The following ABLIM3 variants were observed in gnomAD, a reference collection of about 807,000 sequenced individuals.
ABLIM3 encodes actin binding LIM protein family member 3.
ABLIM3 carries 61 observed loss-of-function variants against 109.5 expected under a neutral mutation model. The observed-to-expected ratio is 0.56, with a 90% CI of 0.45 to 0.69. ABLIM3 has a LOEUF of 0.69. Among genes scored for constraint, ABLIM3 ranks in the 30% least tolerant of loss-of-function variants. The pLI, the probability that ABLIM3 is intolerant of heterozygous loss-of-function variation, is 0.00. For missense variants in ABLIM3, 796 were observed against 889.5 expected (o/e 0.89, Z 1.34); for synonymous variants, 300 against 324.8 (o/e 0.92, Z 0.82).
intron 3 of ABLIM3, among the ~76,000 whole-genome samples, chr5:149,193,414 A>T (rs1757679531): frequency 6.6e-6 from 1 of 152,042 alleles, no homozygotes; most frequent in Non-Finnish European, 1.5e-5. Flanking sequence ...GTTGTATAAG[A>T]TAAAAATTAT....
intron 2 of ABLIM3, among the ~76,000 whole-genome samples, chr5:149,152,942 C>T (rs947792286): frequency 6.6e-6 from 1 of 152,004 alleles, no homozygotes; most frequent in Non-Finnish European, 1.5e-5. Flanking sequence ...CTTCCTTATT[C>T]CTCAGGAAGA....
At chr5:149,233,379 G>A in intron 10 of ABLIM3, 79 bp downstream of exon 10, 1 of 1,443,016 alleles carries the variant, frequency 6.9e-7, no homozygotes. Context: ...GGATAAGGGA[G>A]CTCTCAAGTT....
At chr5:149,227,586 A>G (rs1761438889) in intron 8 of ABLIM3, among the ~76,000 whole-genome samples, 1 of 152,206 alleles carries the variant, frequency 6.6e-6, no homozygotes, top group South Asian at 2.1e-4. Context: ...GGAGCTTGTT[A>G]AATCACAGAT....
At chr5:149,185,848 C>T (rs1270668564) in intron 3 of ABLIM3, among the ~76,000 whole-genome samples, 4 of 152,264 alleles carry the variant, frequency 2.6e-5, no homozygotes, top group Non-Finnish European at 1.5e-5. Context: ...AGGCTAAAAA[C>T]GGAAACAGAA....
intron 7 of ABLIM3, 117 bp downstream of exon 7, chr5:149,210,936 C>G: frequency 1.1e-6 from 1 of 921,022 alleles, no homozygotes; most frequent in South Asian, 1.4e-5. Flanking sequence ...TTTACCTCCT[C>G]CACCTTTGCT....
intron 3 of ABLIM3, among the ~76,000 whole-genome samples, chr5:149,193,102 A>G (rs866570749): frequency 2.4e-4 from 37 of 152,302 alleles, no homozygotes; most frequent in African/African-American, 8.7e-4. Flanking sequence ...CTAAAACAAA[A>G]AAAGAAAAGA....
chr5:149,252,230 T>TG, intron 22 of ABLIM3, 22 bp downstream of exon 22: 1 of 1,611,640 alleles, frequency 6.2e-7, no homozygotes, highest in Middle Eastern at 1.7e-4. Flanking sequence ...GCATAGACCC[T>TG]GGGGGTCTCC....
At position 149,216,985 on chromosome 5, in the gene ABLIM3, C is replaced by T. The variant is rs1160255823; in HGVS notation, c.696C>T (p.Thr232=). 2.5e-6 allele frequency: 4 copies of T among 1,614,218 alleles called. No individual in the cohort carries two copies. Among genetic ancestry groups the T allele is most frequent in the Non-Finnish European group, 3.4e-6 (4 of 1,180,028 alleles). ...LEAGGKHYHP[T]CARCVRCHQM... ...CAGGAGGGAAGCACTACCACCCAAC[C>T]TGTGCCAGGTGTGTACGCTGCCACC... is the stretch of plus-strand genomic sequence containing the variant. Residue 232 remains threonine (T), a synonymous_variant, in exon 8 of 24, where the codon ACC becomes ACT. Transcript: ENST00000309868.
In ABLIM3 at chr5:149,250,991, G is replaced by C. The variant is rs1306290832; in HGVS notation, c.1789-368G>C. ...CCTGTACATTTTCTGAGCTCCCTGA[G>C]CGTGCTGTTATGGAAAAAGAAAAGT... On this transcript the variant is annotated intron_variant, in intron 20 of 23. Transcript: ENST00000309868. Among the ~76,000 whole-genome samples the C allele has an allele frequency of 1.3e-5, 2 of 152,128 alleles. 1 individual carries two copies. Among genetic ancestry groups the C allele is most frequent in the South Asian group, 4.1e-4 (2 of 4,826 alleles).
intron 7 of ABLIM3, among the ~76,000 whole-genome samples, chr5:149,214,266 G>A (rs537947243): frequency 6.6e-6 from 1 of 152,300 alleles, no homozygotes; most frequent in East Asian, 1.9e-4. Flanking sequence ...GTGCTTAAGC[G>A]AAATCATTTA....
At chr5:149,153,808 G>T (rs1258329386) in intron 2 of ABLIM3, among the ~76,000 whole-genome samples, 2 of 152,148 alleles carry the variant, frequency 1.3e-5, no homozygotes, top group Admixed American at 1.3e-4. Context: ...CATCTCTTAG[G>T]CCTTTTTTCT....
At chr5:149,257,322 C>T (rs1224966016) in intron 23 of ABLIM3, among the ~76,000 whole-genome samples, 1 of 151,516 alleles carries the variant, frequency 6.6e-6, no homozygotes, top group Non-Finnish European at 1.5e-5. Context: ...AAATAGTTCA[C>T]AGTGACAACA....
rs531909202 is a variant in ABLIM3 at position 149,259,503 on chromosome 5, G to A, written c.*1099G>A. 20 of 1,536,126 alleles carry A rather than the reference G, an allele frequency of 1.3e-5. No homozygotes were observed. In the East Asian group the frequency reaches 1.5e-4, roughly 11 times the overall value. ...GGCAGGGCAACCATACCATACCCCC[G>A]CCAGTCCTCGGCTCCTGCTGCAAAG... On this transcript the variant is annotated 3_prime_UTR_variant, in exon 24 of 24. Coordinates refer to ENST00000309868, the MANE Select transcript of ABLIM3 (RefSeq NM_014945.5).
intron 2 of ABLIM3, among the ~76,000 whole-genome samples, chr5:149,172,845 A>T (rs984906139): frequency 2.0e-5 from 3 of 152,242 alleles, no homozygotes; most frequent in Non-Finnish European, 2.9e-5. Flanking sequence ...AGAAAATTAT[A>T]ACCGAAAGGA....
rs935444989 is a variant in ABLIM3 at position 149,258,485 on chromosome 5, T to A, written c.*81T>A. On this transcript the variant is annotated 3_prime_UTR_variant, in exon 24 of 24. Coordinates refer to ENST00000309868, the MANE Select transcript of ABLIM3 (RefSeq NM_014945.5). ...TACTGAAGCTCGGTATAATCCTCTC[T>A]TGTGTAATGGGACACACTGCCTGCC... 6.8e-6 allele frequency: 10 copies of A among 1,476,804 alleles called. No homozygotes were observed. The Admixed American group carries it at 1.8e-4, about 27-fold the overall frequency. 91.5% of individuals were successfully genotyped at this position (1,476,804 alleles called of 1,614,324 possible).
chr5:149,151,364 T>C (rs954626415), intron 2 of ABLIM3, among the ~76,000 whole-genome samples: 4 of 152,250 alleles, frequency 2.6e-5, no homozygotes, highest in Non-Finnish European at 5.9e-5. Flanking sequence ...GGTTATATTC[T>C]GAGGTACTGA....
intron 12 of ABLIM3, 65 bp from the exon 13 acceptor site, chr5:149,239,694 T>C: frequency 2.0e-6 from 3 of 1,515,592 alleles, no homozygotes; most frequent in Non-Finnish European, 2.6e-6. Flanking sequence ...ACCTGCCTGC[T>C]AGACCCTCGG....
chr5:149,180,513 C>T (rs1009497537), intron 2 of ABLIM3, among the ~76,000 whole-genome samples: 11 of 152,198 alleles, frequency 7.2e-5, no homozygotes, highest in African/African-American at 1.9e-4. Context: ...AGAGTTCCTA[C>T]GTCCAGTCTG....
At chr5:149,169,086 C>G (rs73798013) in intron 2 of ABLIM3, among the ~76,000 whole-genome samples, 3 of 125,580 alleles carry the variant, frequency 2.4e-5, no homozygotes, top group Admixed American at 1.7e-4. Context: ...TGCTGTAGGA[C>G]CCCCCCACCC....
Sources: gnomAD v4.1 joint callset for allele counts (sites outside exome capture counted in the v4.1 genomes callset) on GRCh38, gnomAD v4.1.1 for gene constraint, MANE v1.5 for transcripts, NCBI Gene and HGNC (gene_info 2026-07-23, HGNC 2026-07-21) for gene names.